DCLK1: variants seen among roughly 807,000 people sequenced by gnomAD.
DCLK1 encodes doublecortin like kinase 1.
In DCLK1, 16 loss-of-function variants were observed where a neutral mutation model predicts 86.2. The observed-to-expected ratio is 0.19, with a 90% CI of 0.13 to 0.28. The LOEUF (loss-of-function observed/expected upper bound fraction) is 0.28, where lower values mean the gene tolerates loss of function less well. DCLK1 is among the 10% of genes least tolerant of loss of function. DCLK1 has a pLI of 1.00. For synonymous variants in DCLK1, 369 were observed against 370.5 expected (o/e 1.00, Z 0.05); for missense variants, 590 against 940.2 (o/e 0.63, Z 4.87).
intron 1 of DCLK1, among the ~76,000 whole-genome samples, chr13:36,127,784 A>G (rs1886240207): frequency 6.6e-6 from 1 of 152,196 alleles, no homozygotes; most frequent in African/African-American, 2.4e-5. Context: ...CCCCACAGCA[A>G]GCTGACTGGA....
intron 4 of DCLK1, among the ~76,000 whole-genome samples, chr13:35,942,722 A>G (rs1003781662): frequency 1.3e-5 from 2 of 152,136 alleles, no homozygotes; most frequent in African/African-American, 4.8e-5. Context: ...ATATATTTTC[A>G]TCTTAGTCCA....
chr13:36,105,616 T>A (rs936023904), intron 3 of DCLK1, among the ~76,000 whole-genome samples: 7 of 152,220 alleles, frequency 4.6e-5, no homozygotes, highest in Admixed American at 1.3e-4. Flanking sequence ...TGTCATGTTA[T>A]CATGTATATC....
chr13:35,787,709 C>T (rs2086648482), intron 16 of DCLK1: 1 of 154,850 alleles, frequency 6.5e-6, no homozygotes, highest in Non-Finnish European at 1.4e-5. Flanking sequence ...TACCAACACA[C>T]ACAATGCATT....
At position 35,847,316 on chromosome 13, in the gene DCLK1, A is replaced by C. The variant is rs1870253051; in HGVS notation, c.1035+7183T>G. ...CTAATATGTCACAGAGTAACACTTT[A>C]TTACATGAAGATTTTATGTATAATT... is the stretch of plus-strand genomic sequence containing the variant. On this transcript the variant is annotated intron_variant, in intron 6 of 16. Coordinates refer to ENST00000360631, the MANE Select transcript of DCLK1 (RefSeq NM_001330071.2). 31 of 985,236 alleles carry C rather than the reference A, an allele frequency of 3.1e-5. No individual in the cohort carries two copies. The South Asian group carries it at 1.3e-3, about 40-fold the overall frequency. The allele number at this position is 985,236 out of a possible 1,614,324, so 61.0% of individuals were successfully genotyped here.
At chr13:35,834,680 A>T (rs1869222743) in intron 8 of DCLK1, among the ~76,000 whole-genome samples, 1 of 152,230 alleles carries the variant, frequency 6.6e-6, no homozygotes, top group African/African-American at 2.4e-5. Flanking sequence ...CAAATGTGCC[A>T]AATGGCCAAG....
chr13:35,804,224 G>C (rs2086979824), intron 15 of DCLK1, among the ~76,000 whole-genome samples: 1 of 151,892 alleles, frequency 6.6e-6, no homozygotes, highest in Non-Finnish European at 1.5e-5. Context: ...TCCGCCTCCT[G>C]GGTTCAAGTG....
At chr13:36,092,332 T>G (rs1015543685) in intron 3 of DCLK1, among the ~76,000 whole-genome samples, 1 of 152,158 alleles carries the variant, frequency 6.6e-6, no homozygotes, top group Non-Finnish European at 1.5e-5. Context: ...TTAAATTTTA[T>G]CATGCATATG....
chr13:35,997,377 G>C (rs7998639), intron 3 of DCLK1, among the ~76,000 whole-genome samples: 1 of 152,098 alleles, frequency 6.6e-6, no homozygotes, highest in Non-Finnish European at 1.5e-5. Context: ...GAAAATCATC[G>C]TAGAGCAGAA....
intron 4 of DCLK1, among the ~76,000 whole-genome samples, chr13:35,916,861 G>A (rs1429676243): frequency 6.6e-6 from 1 of 152,160 alleles, no homozygotes; most frequent in Admixed American, 6.5e-5. Flanking sequence ...GTGCAGGAAG[G>A]CCTCTCAGAC....
At chr13:36,119,479 C>T (rs764533171) in intron 2 of DCLK1, among the ~76,000 whole-genome samples, 9 of 152,172 alleles carry the variant, frequency 5.9e-5, no homozygotes, top group African/African-American at 1.2e-4. Context: ...AGTTTCTTCC[C>T]GAAATATTAG....
At chr13:35,851,909 A>G (rs1727954574) in intron 6 of DCLK1, among the ~76,000 whole-genome samples, 1 of 152,226 alleles carries the variant, frequency 6.6e-6, no homozygotes, top group South Asian at 2.1e-4. Flanking sequence ...AAACCAGTCA[A>G]ATGTCTCAAC....
At chr13:36,008,638 G>C (rs1170996) in intron 3 of DCLK1, among the ~76,000 whole-genome samples, 95,863 of 110,404 alleles carry the variant, frequency 0.87, 41,509 homozygotes, top group Non-Finnish European at 0.93. Context: ...GGACATTTGG[G>C]TTGGTTCCAA....
chr13:36,006,222 T>C (rs1880950364), intron 3 of DCLK1, among the ~76,000 whole-genome samples: 1 of 152,096 alleles, frequency 6.6e-6, no homozygotes, highest in Non-Finnish European at 1.5e-5. Context: ...AGGGAAATCA[T>C]GCACAAAGGA....
intron 4 of DCLK1, among the ~76,000 whole-genome samples, chr13:35,920,584 T>C (rs1875739326): frequency 6.6e-6 from 1 of 152,076 alleles, no homozygotes; most frequent in Admixed American, 6.6e-5. Flanking sequence ...CAATGAGTGT[T>C]ACGGATGGGG....
At chr13:35,949,371 G>T (rs1593759878) in intron 3 of DCLK1, among the ~76,000 whole-genome samples, 1 of 152,260 alleles carries the variant, frequency 6.6e-6, no homozygotes, top group Non-Finnish European at 1.5e-5. Context: ...TCCTCAGAGT[G>T]CCCTTTGGAA....
At chr13:35,996,339 T>C (rs1593801869) in intron 3 of DCLK1, among the ~76,000 whole-genome samples, 1 of 152,250 alleles carries the variant, frequency 6.6e-6, no homozygotes, top group Admixed American at 6.5e-5. Context: ...AACAGCACCA[T>C]GTGCAATGCC....
chr13:35,955,706 T>C (rs141132626), intron 3 of DCLK1, among the ~76,000 whole-genome samples: 4 of 152,278 alleles, frequency 2.6e-5, no homozygotes, highest in Non-Finnish European at 5.9e-5. Flanking sequence ...TTTCCTCATA[T>C]GTAAAATGGA....
chr13:35,939,143 C>G (rs956156204), intron 4 of DCLK1, among the ~76,000 whole-genome samples: 2 of 152,020 alleles, frequency 1.3e-5, no homozygotes, highest in African/African-American at 4.8e-5. Flanking sequence ...CTCCAGAAAC[C>G]CTTGTGGCCT....
chr13:35,994,379 T>C (rs1158507186), intron 3 of DCLK1, among the ~76,000 whole-genome samples: 2 of 152,194 alleles, frequency 1.3e-5, no homozygotes, highest in African/African-American at 4.8e-5. Context: ...CACCACAGAA[T>C]AGTCAATCAC....
Sources: allele counts gnomAD v4.1 joint callset (sites outside exome capture counted in the v4.1 genomes callset), GRCh38; gene constraint gnomAD v4.1.1; transcripts MANE v1.5; gene names NCBI Gene and HGNC (gene_info 2026-07-23, HGNC 2026-07-21).